ERI1: variants seen among roughly 807,000 people sequenced by gnomAD.
ERI1 encodes the protein exoribonuclease 1, also known as 3'-5' exoribonuclease 1.
A neutral mutation model predicts 39.7 loss-of-function variants in ERI1; 39 were observed. The ratio of observed to expected loss-of-function variants is 0.98; its 90% CI spans 0.76 to 1.28. The LOEUF is 1.28. ERI1 is among the 50% of genes most tolerant of loss of function. ERI1 has a pLI of 0.00. For missense variants in ERI1, 581 were observed against 416.9 expected, an observed-to-expected ratio of 1.39 and a Z score of -3.43; for synonymous variants, 204 against 149.6, an observed-to-expected ratio of 1.36 and a Z score of -2.65.
At chr8:9,049,605 A>G (rs182948128) in intron 3 of ERI1, among the ~76,000 whole-genome samples, 287 of 152,198 alleles carry the variant, frequency 1.9e-3, no homozygotes, top group African/African-American at 6.4e-3. Context: ...GTGAGTCCCA[A>G]TAAATACTTC....
intron 3 of ERI1, among the ~76,000 whole-genome samples, chr8:9,067,921 A>AATAC (rs1170004419): frequency 8.3e-6 from 1 of 120,736 alleles, no homozygotes; most frequent in Non-Finnish European, 1.9e-5. Context: ...TTATGCTACA[A>AATAC]ATACACACAC....
At chr8:9,004,922 A>T (rs577084907) in intron 1 of ERI1, among the ~76,000 whole-genome samples, 1 of 152,046 alleles carries the variant, frequency 6.6e-6, no homozygotes, top group Admixed American at 6.6e-5. Flanking sequence ...TCCTGACCTC[A>T]GGTGATCCGC....
intron 1 of ERI1, among the ~76,000 whole-genome samples, chr8:9,004,859 T>C (rs900361926): frequency 1.4e-4 from 22 of 152,112 alleles, no homozygotes; most frequent in African/African-American, 4.8e-4. Flanking sequence ...GGCTAGTTTT[T>C]GTATTTTTAG....
At chr8:9,070,155 C>G (rs1170124331) in intron 3 of ERI1, among the ~76,000 whole-genome samples, 2 of 151,990 alleles carry the variant, frequency 1.3e-5, no homozygotes, top group Non-Finnish European at 2.9e-5. Flanking sequence ...AGGAGAATCA[C>G]TTGAACCTGG....
At chr8:9,022,437 G>A (rs1020616552) in intron 6 of ERI1, among the ~76,000 whole-genome samples, 8 of 152,118 alleles carry the variant, frequency 5.3e-5, no homozygotes, top group Non-Finnish European at 1.0e-4. Flanking sequence ...GTCTCATTCT[G>A]TTGCCCAGGT....
At chr8:9,024,274 T>G (rs1267942236) in intron 6 of ERI1, among the ~76,000 whole-genome samples, 1 of 152,260 alleles carries the variant, frequency 6.6e-6, no homozygotes, top group African/African-American at 2.4e-5. Flanking sequence ...AAAATACAGT[T>G]TAAGACAGAT....
Position 9,016,402 on chromosome 8 carries a change from T to C in ERI1, c.579T>C (p.Thr193=). 2 of 1,592,532 alleles carry C rather than the reference T, an allele frequency of 1.3e-6. No individual in the cohort carries two copies. The highest frequency in any genetic ancestry group is 1.7e-6 in the Non-Finnish European group (2 of 1,165,304). The change falls in exon 4 of 7, where the codon ACT becomes ACC. Residue 193 remains threonine, a synonymous_variant. Coordinates refer to ENST00000250263, the MANE Select transcript of ERI1 (RefSeq NM_153332.4). ...SDFCISLTGI[T]QDQVDRADTF... ...TCTGCATCAGTCTAACTGGAATTAC[T>C]CAGGTTATAATTCTAAGTTCTTCTT...
At chr8:9,075,743 C>T (rs1391805098) in intron 3 of ERI1, among the ~76,000 whole-genome samples, 2 of 152,034 alleles carry the variant, frequency 1.3e-5, no homozygotes, top group African/African-American at 2.4e-5. Flanking sequence ...AATGATCACC[C>T]AGAGGTTAAC....
At position 9,025,693 on chromosome 8, in the gene ERI1, C is replaced by G. The variant is rs553294186; in HGVS notation, c.808-4099C>G. 2.1e-4 allele frequency among the ~76,000 whole-genome samples: 31 copies of G among 149,814 alleles called. 1 individual carries two copies. In the South Asian group the frequency reaches 6.4e-3, roughly 31 times the overall value. ...ACTCTCTAGGACTTTTCATTTTAATCTTTTTTTTTTGTGTGTGTGTGTGTG... is the reference window on the plus strand; with the variant it reads ...ACTCTCTAGGACTTTTCATTTTAATGTTTTTTTTTTGTGTGTGTGTGTGTG... On this transcript the variant is annotated intron_variant, in intron 6 of 6. Coordinates refer to ENST00000250263, the MANE Select transcript of ERI1 (RefSeq NM_153332.4).
chr8:9,059,925 G>T (rs934639991), intron 3 of ERI1, among the ~76,000 whole-genome samples: 1 of 152,192 alleles, frequency 6.6e-6, no homozygotes, highest in African/African-American at 2.4e-5. Flanking sequence ...TCTGGAATGA[G>T]ACTGGGGCTT....
rs980158766 is a variant in ERI1, at chr8:9,033,130, C to T, written c.*3096C>T. ...AACCTGTATATCAAGCCTCCTTGCC[C>T]CACAAAGCTTCCAAAGCCCGTAAAT... On this transcript the variant is annotated 3_prime_UTR_variant, in exon 7 of 7. Transcript: ENST00000250263. 6.6e-6 allele frequency: 1 copy of T among 152,162 alleles called. No homozygotes were observed. Among genetic ancestry groups the T allele is most frequent in the African/African-American group, 2.4e-5 (1 of 41,430 alleles). The allele number at this position is 152,162 out of a possible 1,614,324, so 9.4% of individuals were successfully genotyped here. A position where few individuals can be genotyped will look rare whatever the true frequency, so the allele number is the denominator to read the frequency against.
chr8:9,080,716 G>A (rs1270330525), intron 3 of ERI1, among the ~76,000 whole-genome samples: 1 of 152,132 alleles, frequency 6.6e-6, no homozygotes, highest in Non-Finnish European at 1.5e-5. Context: ...CACCAGTGTG[G>A]ACCTTGGCCA....
chr8:9,059,375 C>A (rs187269970), intron 3 of ERI1, among the ~76,000 whole-genome samples: 1 of 151,326 alleles, frequency 6.6e-6, no homozygotes, highest in Non-Finnish European at 1.5e-5. Flanking sequence ...GTTGGGGTGG[C>A]GAAAATTTTT....
chr8:9,073,595 A>G (rs1056087064), intron 3 of ERI1, among the ~76,000 whole-genome samples: 2 of 152,256 alleles, frequency 1.3e-5, no homozygotes, highest in Admixed American at 6.5e-5. Context: ...GCTTTAAAAA[A>G]TGTTGCTGAA....
intron 2 of ERI1, among the ~76,000 whole-genome samples, chr8:9,008,482 T>C (rs1178734925): frequency 1.3e-5 from 2 of 152,212 alleles, no homozygotes; most frequent in Non-Finnish European, 2.9e-5. Context: ...GAGTATTTTT[T>C]ATTTTCTTTT....
intron 3 of ERI1, chr8:9,091,093 T>C (rs1799687312): frequency 6.6e-6 from 1 of 152,256 alleles, no homozygotes; most frequent in Admixed American, 6.5e-5. Context: ...ATTTTATTTA[T>C]GTGTAAGTTT....
intron 3 of ERI1, among the ~76,000 whole-genome samples, chr8:9,077,564 C>T (rs1267630357): frequency 1.3e-5 from 2 of 152,110 alleles, no homozygotes; most frequent in Admixed American, 1.3e-4. Context: ...ATGTGGGAGA[C>T]AGAGGGGCAG....
intron 6 of ERI1, among the ~76,000 whole-genome samples, chr8:9,026,127 C>A (rs1204821795): frequency 6.6e-6 from 1 of 152,178 alleles, no homozygotes; most frequent in Non-Finnish European, 1.5e-5. Flanking sequence ...CGAACCATCA[C>A]ATGAGGTGTG....
chr8:9,033,384 C>T (rs1797723683), downstream of ERI1: 1 of 152,212 alleles, frequency 6.6e-6, no homozygotes, highest in Non-Finnish European at 1.5e-5. Context: ...CACTTTTGTG[C>T]TACAATGGCA....
Sources: gnomAD v4.1 joint callset for allele counts (sites outside exome capture counted in the v4.1 genomes callset) on GRCh38, gnomAD v4.1.1 for gene constraint, MANE v1.5 for transcripts, NCBI Gene and HGNC (gene_info 2026-07-23, HGNC 2026-07-21) for gene names.